MAP3K13: variants seen among roughly 807,000 people sequenced by gnomAD.
MAP3K13 encodes leucine zipper-bearing kinase.
MAP3K13 carries 52 observed loss-of-function variants against 104.0 expected under a neutral mutation model. The ratio of observed to expected loss-of-function variants is 0.50; its 90% confidence interval spans 0.40 to 0.63. The LOEUF is 0.63. MAP3K13 is among the 20% of genes least tolerant of loss of function. The pLI, the probability that MAP3K13 is intolerant of heterozygous loss-of-function variation, is 0.00. For synonymous variants in MAP3K13, 394 were observed against 442.2 expected, an observed-to-expected ratio of 0.89 and a Z score of 1.37; for missense variants, 914 against 1,218.5, an observed-to-expected ratio of 0.75 and a Z score of 3.72.
At chr3:185,463,434 G>A (rs1247462261) in intron 7 of MAP3K13, 116 bp from the exon 8 acceptor site, 1 of 622,110 alleles carries the variant, frequency 1.6e-6, no homozygotes, top group East Asian at 2.6e-5. Context: ...CATCTATTCT[G>A]AAAAAGGCTC....
chr3:185,370,255 C>T (rs1724087058), intron 1 of MAP3K13, among the ~76,000 whole-genome samples: 1 of 152,126 alleles, frequency 6.6e-6, no homozygotes, highest in Non-Finnish European at 1.5e-5. Context: ...AGTGCACTGG[C>T]GTGATCTCAG....
intron 1 of MAP3K13, among the ~76,000 whole-genome samples, chr3:185,373,778 GA>G (rs1724276865): frequency 1.5e-5 from 1 of 68,480 alleles, no homozygotes; most frequent in Non-Finnish European, 5.2e-5. Flanking sequence ...TGCCAACCAT[GA>G]CATGTTCTCA....
At chr3:185,380,309 G>A (rs1298339739) in intron 1 of MAP3K13, among the ~76,000 whole-genome samples, 3 of 147,732 alleles carry the variant, frequency 2.0e-5, no homozygotes, top group Non-Finnish European at 4.5e-5. Flanking sequence ...TTAAGAGATA[G>A]AGACCATCCT....
At chr3:185,421,370 TGTAGTTTA>T (rs2108796063) in intron 1 of MAP3K13, among the ~76,000 whole-genome samples, 1 of 152,072 alleles carries the variant, frequency 6.6e-6, no homozygotes, top group South Asian at 2.1e-4. Flanking sequence ...GCTAATTTTT[TGTAGTTTA>T]GTAGAGATGG....
chr3:185,475,615 G>A (rs1010268769), intron 11 of MAP3K13, among the ~76,000 whole-genome samples: 11 of 149,338 alleles, frequency 7.4e-5, no homozygotes, highest in Admixed American at 1.3e-4. Flanking sequence ...ACTTTGGGAG[G>A]CCAAGGCGGG....
intron 2 of MAP3K13, among the ~76,000 whole-genome samples, chr3:185,327,512 T>TG (rs5855058): frequency 0.78 from 118,449 of 152,046 alleles, 46,652 homozygotes; most frequent in Non-Finnish European, 0.84. Context: ...TGAAAAGAAT[T>TG]AAGATGATCT....
chr3:185,307,547 T>TCCCCCCCCCCCCCCC (rs1560041671), intron 2 of MAP3K13, among the ~76,000 whole-genome samples: 2 of 110,230 alleles, frequency 1.8e-5, no homozygotes, highest in African/African-American at 4.1e-5. Flanking sequence ...CACCACCCCC[T>TCCCCCCCCCCCCCCC]CCCCCGCCAC....
rs1451863462 is a variant in MAP3K13, at chr3:185,483,094, G to A, written c.*638G>A. On this transcript the variant is annotated 3_prime_UTR_variant, in exon 14 of 14. Transcript: ENST00000265026. ...TTACGGAAATGACCTAGAAAAGTCT[G>A]GTGACCAGATACTTGCACCCAATGT... 1.3e-5 allele frequency: 3 copies of A among 232,950 alleles called. No individual in the cohort carries two copies. The highest frequency in any genetic ancestry group is 2.5e-5 in the Non-Finnish European group (3 of 117,868). The allele number at this position is 232,950 out of a possible 1,614,324, so 14.4% of individuals were successfully genotyped here.
At chr3:185,343,313 G>C (rs147126839) in intron 2 of MAP3K13, among the ~76,000 whole-genome samples, 1 of 152,272 alleles carries the variant, frequency 6.6e-6, no homozygotes, top group Non-Finnish European at 1.5e-5. Context: ...AATGGGCCTG[G>C]AGATTACACA....
chr3:185,303,437 C>G (rs1431496622), intron 2 of MAP3K13, among the ~76,000 whole-genome samples: 1 of 152,042 alleles, frequency 6.6e-6, no homozygotes, highest in Non-Finnish European at 1.5e-5. Context: ...CCATTGAAGG[C>G]ATCTGGTCCT....
intron 2 of MAP3K13, among the ~76,000 whole-genome samples, chr3:185,290,838 G>T (rs145666668): frequency 1.3e-5 from 2 of 152,170 alleles, no homozygotes; most frequent in East Asian, 1.9e-4. Context: ...TTTTAGGCAG[G>T]TTTATACAAG....
At chr3:185,379,985 A>C (rs1724625746) in intron 1 of MAP3K13, among the ~76,000 whole-genome samples, 1 of 152,114 alleles carries the variant, frequency 6.6e-6, no homozygotes, top group African/African-American at 2.4e-5. Flanking sequence ...CAGGTGTTCA[A>C]TACCAGCCTG....
chr3:185,423,855 G>T lies in MAP3K13; in HGVS notation c.-85-4642G>T, dbSNP rs966603793. On this transcript the variant is annotated intron_variant, in intron 1 of 13. Coordinates refer to ENST00000265026, the MANE Select transcript of MAP3K13 (RefSeq NM_004721.5). This position sits in a 1 kb window ranked among gnomAD's most constrained non-coding sequence, Gnocchi z 4.1. ...CTGGGTCAGCAGCCCCATCACGCAC[G>T]CTCTGGTCATTCCCGCTTCCCTGCC... 2.0e-5 allele frequency among the ~76,000 whole-genome samples: 3 copies of T among 152,108 alleles called. No individual in the cohort carries two copies. The highest frequency in any genetic ancestry group is 7.2e-5 in the African/African-American group (3 of 41,428).
At chr3:185,383,435 AC>A (rs1711511359) in intron 1 of MAP3K13, among the ~76,000 whole-genome samples, 1 of 151,766 alleles carries the variant, frequency 6.6e-6, no homozygotes, top group African/African-American at 2.4e-5. Flanking sequence ...GGTGGCGGGC[AC>A]CTGTAGTCCC....
At position 185,437,373 on chromosome 3, in the gene MAP3K13, G is replaced by A. The variant is rs1024610722; in HGVS notation, c.476-74G>A. 9 of 1,338,082 alleles carry A rather than the reference G, an allele frequency of 6.7e-6. No individual in the cohort carries two copies. In the African/African-American group the frequency reaches 7.3e-5, roughly 11 times the overall value. 82.9% of individuals were successfully genotyped at this position (1,338,082 alleles called of 1,614,324 possible). ...GTCATCCTGGGTGACGATGAAGTTG[G>A]TACCTTCAGAATGGCCTTGTAGAGT... On this transcript the variant is annotated intron_variant, in intron 2 of 13. Coordinates refer to ENST00000265026, the MANE Select transcript of MAP3K13 (RefSeq NM_004721.5).
chr3:185,361,108 G>A (rs867374395), upstream of MAP3K13, among the ~76,000 whole-genome samples: 397 of 149,280 alleles, frequency 2.7e-3, 3 homozygotes, highest in African/African-American at 8.2e-3. Context: ...ATGTGTGTGT[G>A]TGTGTGTGTG....
intron 2 of MAP3K13, among the ~76,000 whole-genome samples, chr3:185,435,715 T>C (rs1714992550): frequency 6.6e-6 from 1 of 152,228 alleles, no homozygotes; most frequent in South Asian, 2.1e-4. Context: ...TATGTAGTTA[T>C]ATTTTGAAGG....
At chr3:185,454,736 T>TATATATATCATATATATGATATATATGAG (rs1716258369) in intron 7 of MAP3K13, among the ~76,000 whole-genome samples, 1 of 12,548 alleles carries the variant, frequency 8.0e-5, no homozygotes, top group African/African-American at 1.3e-4. Context: ...ATATATATGA[T>TATATATATCATATATATGATATATATGAG]ATATATATCA....
chr3:185,345,240 T>TACAC (rs756514087), intron 2 of MAP3K13, among the ~76,000 whole-genome samples: 7 of 137,316 alleles, frequency 5.1e-5, no homozygotes. Context: ...CACACACACA[T>TACAC]ACACACACAC....
Sources: allele counts gnomAD v4.1 joint callset (sites outside exome capture counted in the v4.1 genomes callset), GRCh38; gene constraint gnomAD v4.1.1; non-coding constraint Gnocchi (gnomAD v3.1); transcripts MANE v1.5; gene names NCBI Gene and HGNC (gene_info 2026-07-23, HGNC 2026-07-21).